HINFP: variants seen among roughly 807,000 people sequenced by gnomAD.
The protein encoded by HINFP is MBD2 (methyl-CpG-binding protein)-interacting zinc finger protein.
Under a neutral mutation model 50.1 loss-of-function variants are expected in HINFP, and 20 were observed. The ratio of observed to expected loss-of-function variants is 0.40; its 90% CI spans 0.28 to 0.58. HINFP has a LOEUF of 0.58. Among genes scored for constraint, HINFP ranks in the 20% least tolerant of loss-of-function variants. The pLI, the probability that HINFP is intolerant of heterozygous loss-of-function variation, is 0.45. For missense variants in HINFP, 505 were observed against 664.1 expected (o/e 0.76, Z 2.63); for synonymous variants, 247 against 243.7 (o/e 1.01, Z -0.13).
At position 119,134,532 on chromosome 11, in the gene HINFP, C is replaced by A. The variant is rs147799922; in HGVS notation, c.*34C>A. The A allele has an allele frequency of 1.3e-6, 2 of 1,517,818 alleles. No homozygotes were observed. The highest frequency in any genetic ancestry group is 1.8e-6 in the Non-Finnish European group (2 of 1,128,714). 94.0% of individuals were successfully genotyped at this position (1,517,818 alleles called of 1,614,324 possible). A position where few individuals can be genotyped will look rare whatever the true frequency, so the allele number is the denominator to read the frequency against. On this transcript the variant is annotated 3_prime_UTR_variant, in exon 10 of 10. Transcript: ENST00000350777. This position sits in a 1 kb window ranked among gnomAD's most constrained non-coding sequence, Gnocchi z 4.3. ...GAGCCAGACCATTTCTTCCCCAGGT[C>A]CTGAAGTTTGAGCCAGGCAAGTGGC...
chr11:119,132,607 C>T (rs1340770798), intron 6 of HINFP, 34 bp downstream of exon 6: 4 of 1,614,062 alleles, frequency 2.5e-6, no homozygotes, highest in Non-Finnish European at 3.4e-6. Flanking sequence ...CTCCCTCCTG[C>T]CCTCCAAGGT....
intron 9 of HINFP, chr11:119,133,515 G>C: frequency 2.8e-6 from 1 of 353,578 alleles, no homozygotes; most frequent in Non-Finnish European, 5.3e-6. Flanking sequence ...GAAGGCGGAG[G>C]TTGTAGTGAG....
At chr11:119,132,809 G>A (rs1947847252) in intron 7 of HINFP, 28 bp downstream of exon 7, 1 of 1,613,770 alleles carries the variant, frequency 6.2e-7, no homozygotes, top group Non-Finnish European at 8.5e-7. Flanking sequence ...CCAGAAAACA[G>A]CTCATGTTCC....
intron 2 of HINFP, chr11:119,127,386 T>C: frequency 3.2e-6 from 1 of 310,286 alleles, no homozygotes; most frequent in East Asian, 5.4e-5. Flanking sequence ...TCTCTCTGCC[T>C]GTGTTTACAT....
chr11:119,126,183 C>T (rs1345421033), intron 1 of HINFP: 1 of 152,054 alleles, frequency 6.6e-6, no homozygotes. Flanking sequence ...GGAAGAAACC[C>T]TGTCTCTACG....
intron 2 of HINFP, among the ~76,000 whole-genome samples, chr11:119,129,490 C>CTTTTTTTTCTTTTCTTTTTT (rs776476604): frequency 1.2e-4 from 15 of 124,184 alleles, no homozygotes; most frequent in African/African-American, 4.3e-4. Context: ...TTTTTCTTTT[C>CTTTTTTTTCTTTTCTTTTTT]TTTTTTTTTT....
rs1278922898 is a variant in HINFP at position 119,134,480 on chromosome 11, A to AGAG, written c.1537_1539dup (p.Glu513dup). On this transcript the variant is annotated inframe_insertion, in exon 10 of 10. Coordinates refer to ENST00000350777, the MANE Select transcript of HINFP (RefSeq NM_198971.3). This position sits in a 1 kb window ranked among gnomAD's most constrained non-coding sequence, Gnocchi z 4.3. ...AGCTTCAAGGAATAGCTGAGGAGCC[A>AGAG]GAGATCCAGATGGTTTGAAGGCCGC... 6.2e-7 allele frequency: 1 copy of AGAG among 1,605,550 alleles called. No homozygotes were observed. The highest frequency in any genetic ancestry group is 1.1e-5 in the South Asian group (1 of 90,588).
rs748033460 is a variant in HINFP, at chr11:119,133,083, C to G, written c.1015-12C>G. 1.2e-6 allele frequency: 2 copies of G among 1,614,226 alleles called. No individual in the cohort carries two copies. The highest frequency in any genetic ancestry group is 4.5e-5 in the East Asian group (2 of 44,890). On this transcript the variant is annotated splice_polypyrimidine_tract_variant and intron_variant, in intron 8 of 9. Transcript: ENST00000350777. Reference sequence around the variant, plus strand: ...AAGAGCTGGTCTCATTTCTCCCTTCCTTCCCCATCAGGGAGACTCTGAGCC... The same window carrying G: ...AAGAGCTGGTCTCATTTCTCCCTTCGTTCCCCATCAGGGAGACTCTGAGCC...
rs1023735383 is a variant in HINFP at position 119,135,546 on chromosome 11, A to G, written c.*1048A>G. On this transcript the variant is annotated 3_prime_UTR_variant, in exon 10 of 10. Transcript: ENST00000350777. The stretch of plus-strand genomic sequence containing the variant: ...GGGGAAAGGATCTGTTTTTTGCTAG[A>G]TTATCAAAGAGATTGAAACCTCCCA... 2.0e-5 allele frequency: 3 copies of G among 152,116 alleles called. No individual in the cohort carries two copies. The highest frequency in any genetic ancestry group is 7.2e-5 in the African/African-American group (3 of 41,420). The allele number at this position is 152,116 out of a possible 1,614,324, so 9.4% of individuals were successfully genotyped here.
At position 119,130,880 on chromosome 11, in the gene HINFP, A is replaced by G. The variant is rs1565796731; in HGVS notation, c.337A>G (p.Ile113Val). Reference protein sequence around the residue: ...LQSQADLGPCILDFQSRNVIP... With the variant: ...LQSQADLGPCVLDFQSRNVIP... ...AAGCCAGGCTGACCTTGGCCCCTGCATCCTGGACTTCCAGAGCCGGAACGT... is the reference window on the plus strand; with the variant it reads ...AAGCCAGGCTGACCTTGGCCCCTGCGTCCTGGACTTCCAGAGCCGGAACGT... Residue 113 changes from isoleucine (I) to valine (V), a missense_variant, in exon 3 of 10, where the codon ATC (isoleucine) becomes GTC (valine). Ile to Val is a conservative substitution (Grantham distance 29). Transcript: ENST00000350777. The G allele has an allele frequency of 6.2e-7, 1 of 1,614,232 alleles. No homozygotes were observed.
intron 2 of HINFP, among the ~76,000 whole-genome samples, chr11:119,128,079 C>T (rs1025198228): frequency 2.0e-5 from 3 of 152,214 alleles, no homozygotes; most frequent in Admixed American, 6.5e-5. Flanking sequence ...GTCTCAATCT[C>T]TTGATCTCAT....
chr11:119,134,415 C>G lies in HINFP; in HGVS notation c.1471C>G (p.Pro491Ala), dbSNP rs200542298. 6.1e-4 allele frequency: 982 copies of G among 1,613,122 alleles called. No homozygotes were observed. Among genetic ancestry groups the G allele is most frequent in the Non-Finnish European group, 7.9e-4 (931 of 1,179,262 alleles). The change falls in exon 10 of 10, where the codon CCC becomes GCC. Residue 491 changes from proline to alanine, a missense_variant. Physicochemically the swap from Pro to Ala is conservative, Grantham distance 27. Transcript: ENST00000350777. The surrounding 1 kb of genome is among the most constrained non-coding windows in gnomAD (Gnocchi z 4.3). The stretch of plus-strand genomic sequence containing the variant: ...GCTGTCTGAAGCCCCAGGGGAGCCT[C>G]CCCCAGCCCCTGAGCCACCTTCAGG... Reference protein sequence around the residue: ...YVLSEAPGEPPPAPEPPSGGI... With the variant: ...YVLSEAPGEPAPAPEPPSGGI...
rs773853212 is a variant in HINFP, at chr11:119,132,565, G to A, written c.746G>A (p.Arg249His). The change falls in exon 6 of 10, where the codon CGC (arginine) becomes CAC (histidine). Residue 249 changes from arginine (R) to histidine (H), a missense_variant. Transcript: ENST00000350777. ...GAGCGGCTATTGCGGGACCACATGCGCAACCATGGTGAGTGGCCTGCGGCC... is the reference window on the plus strand; with the variant it reads ...GAGCGGCTATTGCGGGACCACATGCACAACCATGGTGAGTGGCCTGCGGCC... ...ATERLLRDHM[R>H]NHVNHYKCPL... is the part of the protein sequence containing the mutation. 9.3e-6 allele frequency: 15 copies of A among 1,614,116 alleles called. No homozygotes were observed. The highest frequency in any genetic ancestry group is 1.6e-4 in the Middle Eastern group (1 of 6,062).
intron 9 of HINFP, chr11:119,133,740 CA>C: frequency 5.3e-6 from 2 of 380,754 alleles, no homozygotes; most frequent in African/African-American, 2.0e-5. Context: ...TAAATGGTGC[CA>C]AAAAGTCCTG....
intron 9 of HINFP, chr11:119,133,869 G>C: frequency 1.6e-6 from 1 of 622,346 alleles, no homozygotes; most frequent in East Asian, 2.8e-5. Flanking sequence ...TTTCTGGTTG[G>C]GTTTCTATAT....
chr11:119,130,489 C>A, intron 2 of HINFP: 1 of 524,018 alleles, frequency 1.9e-6, no homozygotes. Context: ...TTCTCCCTGA[C>A]TGAAAGCTAT....
In HINFP at chr11:119,135,601, G is replaced by C. The variant is rs1310661129; in HGVS notation, c.*1103G>C. 6.6e-6 allele frequency: 1 copy of C among 152,188 alleles called. No individual in the cohort carries two copies. The highest frequency in any genetic ancestry group is 1.5e-5 in the Non-Finnish European group (1 of 68,040). The allele number at this position is 152,188 out of a possible 1,614,324, so 9.4% of individuals were successfully genotyped here. Reference sequence around the variant, plus strand: ...AAGAATCATCATTTCGTCTGGTTCAGCTGCTTCTCAGCACCCTGTGTCCAT... The same window carrying C: ...AAGAATCATCATTTCGTCTGGTTCACCTGCTTCTCAGCACCCTGTGTCCAT... On this transcript the variant is annotated 3_prime_UTR_variant, in exon 10 of 10. Coordinates refer to ENST00000350777, the MANE Select transcript of HINFP (RefSeq NM_198971.3).
Position 119,135,591 on chromosome 11 carries a change from G to T in HINFP, c.*1093G>T, listed in dbSNP as rs1036685232. 6.6e-6 allele frequency: 1 copy of T among 152,146 alleles called. No homozygotes were observed. The highest frequency in any genetic ancestry group is 6.6e-5 in the Admixed American group (1 of 15,262). 9.4% of individuals were successfully genotyped at this position (152,146 alleles called of 1,614,324 possible). On this transcript the variant is annotated 3_prime_UTR_variant, in exon 10 of 10. Coordinates refer to ENST00000350777, the MANE Select transcript of HINFP (RefSeq NM_198971.3). ...CTCCCAAAATAAGAATCATCATTTC[G>T]TCTGGTTCAGCTGCTTCTCAGCACC...
intron 2 of HINFP, 64 bp from the exon 3 acceptor site, chr11:119,130,661 C>T (rs1947700080): frequency 7.1e-7 from 1 of 1,410,626 alleles, no homozygotes; most frequent in Non-Finnish European, 1.0e-6. Flanking sequence ...TTTAGTGCTG[C>T]AGGTGGAAGG....
Sources: gnomAD v4.1 joint callset for allele counts (sites outside exome capture counted in the v4.1 genomes callset) on GRCh38, gnomAD v4.1.1 for gene constraint, Gnocchi (gnomAD v3.1) non-coding constraint, MANE v1.5 for transcripts, NCBI Gene and HGNC (gene_info 2026-07-23, HGNC 2026-07-21) for gene names.